The following CYB5RL variants were observed in gnomAD, a reference collection of about 807,000 sequenced individuals.
CYB5RL encodes cytochrome b5 reductase like, also known as NADH-cytochrome b5 reductase-like.
CYB5RL carries 38 observed loss-of-function variants against 37.5 expected under a neutral mutation model. The observed-to-expected ratio is 1.01, with a 90% CI of 0.78 to 1.33. The LOEUF (loss-of-function observed/expected upper bound fraction) is 1.33, where lower values mean the gene tolerates loss of function less well. Ranked by LOEUF, CYB5RL falls within the 40% of genes most tolerant of loss-of-function variation. CYB5RL has a pLI of 0.00. For synonymous variants in CYB5RL, 141 were observed against 151.9 expected, an observed-to-expected ratio of 0.93 and a Z score of 0.53; for missense variants, 388 against 394.4, an observed-to-expected ratio of 0.98 and a Z score of 0.14.
chr1:54,184,785 T>C (rs1232846165), intron 5 of CYB5RL: 1 of 152,494 alleles, frequency 6.6e-6, no homozygotes, highest in African/African-American at 2.4e-5. Flanking sequence ...AAATCTCCCA[T>C]TTTTGAAATG....
intron 1 of CYB5RL, among the ~76,000 whole-genome samples, chr1:54,197,614 C>T (rs114400424): frequency 0.014 from 2,153 of 152,246 alleles, 57 homozygotes; most frequent in African/African-American, 0.048. Context: ...TTGCTACCTA[C>T]GTCTACATGT....
chr1:54,179,054 T>C, intron 7 of CYB5RL, 95 bp downstream of exon 7: 1 of 1,399,766 alleles, frequency 7.1e-7, no homozygotes, highest in Non-Finnish European at 9.9e-7. Context: ...GACCACAGCA[T>C]CCATTGCCAA....
At chr1:54,184,540 G>C (rs1481709507) in intron 5 of CYB5RL, 1 of 341,780 alleles carries the variant, frequency 2.9e-6, no homozygotes, top group African/African-American at 2.1e-5. Context: ...TGCCCACAGG[G>C]ACCATGCAGG....
chr1:54,193,822 T>G (rs1027894896), intron 3 of CYB5RL, among the ~76,000 whole-genome samples: 2 of 150,622 alleles, frequency 1.3e-5, no homozygotes, highest in African/African-American at 2.4e-5. Context: ...AAAAAAAAAT[T>G]AGCCGGGCGT....
intron 6 of CYB5RL, 44 bp downstream of exon 6, chr1:54,184,117 C>T: frequency 6.4e-7 from 1 of 1,552,592 alleles, no homozygotes; most frequent in Non-Finnish European, 8.8e-7. Context: ...ATGAAAACCA[C>T]AGTCAACAGG....
intron 7 of CYB5RL, chr1:54,175,428 G>C (rs1023771629): frequency 3.5e-6 from 1 of 283,054 alleles, no homozygotes; most frequent in Non-Finnish European, 7.2e-6. Flanking sequence ...AGGCTGGACG[G>C]TGACCCCACG....
chr1:54,188,934 C>A (rs936395533), intron 4 of CYB5RL, among the ~76,000 whole-genome samples: 1 of 152,194 alleles, frequency 6.6e-6, no homozygotes, highest in East Asian at 1.9e-4. Context: ...TCTATAATCC[C>A]AGCACTCTGG....
chr1:54,179,090 C>G, intron 7 of CYB5RL, 59 bp downstream of exon 7: 1 of 1,558,942 alleles, frequency 6.4e-7, no homozygotes. Context: ...GTCCTCAGGA[C>G]AGGTGCAAAG....
At position 54,172,358 on chromosome 1, in the gene CYB5RL, A is replaced by G. The variant is rs1392159848; in HGVS notation, c.*2261T>C. ...ATCTTTTTTTTTTTTTTTTTTTTGT[A>G]GAGACAGGGTTTTGTCATGTTGGCC... On this transcript the variant is annotated 3_prime_UTR_variant, in exon 8 of 8. Coordinates refer to ENST00000534324, the MANE Select transcript of CYB5RL (RefSeq NM_001031672.4). 4 of 23,862 alleles carry G rather than the reference A, an allele frequency of 1.7e-4. No individual in the cohort carries two copies. Among genetic ancestry groups the G allele is most frequent in the African/African-American group, 2.6e-4 (2 of 7,832 alleles). The allele number at this position is 23,862 out of a possible 1,614,324, so 1.5% of individuals were successfully genotyped here.
chr1:54,184,336 A>T (rs999357393), intron 5 of CYB5RL, 71 bp from the exon 6 acceptor site: 5 of 1,298,410 alleles, frequency 3.9e-6, no homozygotes, highest in Middle Eastern at 2.0e-4. Flanking sequence ...TTAACCATTA[A>T]TGTGGAGCCC....
intron 1 of CYB5RL, among the ~76,000 whole-genome samples, 184 bp downstream of exon 1, chr1:54,199,792 T>C (rs541094905): frequency 6.6e-6 from 1 of 152,292 alleles, no homozygotes; most frequent in South Asian, 2.1e-4. Context: ...ACAGAGGCGC[T>C]CGCAGCAGCG....
chr1:54,197,672 G>GT (rs1644021514), intron 1 of CYB5RL, among the ~76,000 whole-genome samples: 1 of 152,012 alleles, frequency 6.6e-6, no homozygotes, highest in Admixed American at 6.6e-5. Flanking sequence ...ACTGGCTAGG[G>GT]TTTTCTCACT....
At chr1:54,197,933 C>T (rs1644024612) in intron 1 of CYB5RL, among the ~76,000 whole-genome samples, 1 of 144,590 alleles carries the variant, frequency 6.9e-6, no homozygotes, top group Non-Finnish European at 1.5e-5. Context: ...GAGGCTGAGG[C>T]AGGAGAATGG....
intron 5 of CYB5RL, chr1:54,185,633 G>C (rs759975850): frequency 1.3e-5 from 2 of 152,184 alleles, no homozygotes; most frequent in African/African-American, 4.8e-5. Context: ...CAACTGGAAG[G>C]GGTCTAGTAG....
intron 6 of CYB5RL, among the ~76,000 whole-genome samples, chr1:54,181,401 C>G (rs754052726): frequency 7.2e-5 from 11 of 152,230 alleles, no homozygotes; most frequent in Non-Finnish European, 1.6e-4. Flanking sequence ...TCCCCTGGCC[C>G]TGGGTGAACA....
chr1:54,171,093 A>C lies in CYB5RL; in HGVS notation c.*3526T>G, dbSNP rs1409408125. On this transcript the variant is annotated 3_prime_UTR_variant, in exon 8 of 8. Coordinates refer to ENST00000534324, the MANE Select transcript of CYB5RL (RefSeq NM_001031672.4). ...GAAAAGCACACAAGCCTCTCTGCTCACTGACCAAGCTGGAGTGGAAGAGAC... is the reference window on the plus strand; with the variant it reads ...GAAAAGCACACAAGCCTCTCTGCTCCCTGACCAAGCTGGAGTGGAAGAGAC... The C allele has an allele frequency of 2.2e-6, 1 of 455,350 alleles. No homozygotes were observed. Among genetic ancestry groups the C allele is most frequent in the Non-Finnish European group, 4.4e-6 (1 of 226,294 alleles). The allele number at this position is 455,350 out of a possible 1,614,324, so 28.2% of individuals were successfully genotyped here.
chr1:54,189,325 G>A (rs867113506), intron 4 of CYB5RL, among the ~76,000 whole-genome samples: 4 of 152,226 alleles, frequency 2.6e-5, no homozygotes, highest in African/African-American at 9.6e-5. Context: ...GAGGGAGTGC[G>A]CAGTCTCCTC....
chr1:54,194,004 C>CAATAAT (rs71066906), intron 3 of CYB5RL, among the ~76,000 whole-genome samples: 219 of 146,712 alleles, frequency 1.5e-3, no homozygotes, highest in East Asian at 3.0e-3. Flanking sequence ...GACTCTTCCT[C>CAATAAT]AATAATAATA....
chr1:54,180,856 G>A (rs1424112980), intron 6 of CYB5RL, among the ~76,000 whole-genome samples: 2 of 152,080 alleles, frequency 1.3e-5, no homozygotes, highest in Non-Finnish European at 2.9e-5. Flanking sequence ...ATGAGATGAA[G>A]AAAAGTGCTT....
Sources: gnomAD v4.1 joint callset for allele counts (sites outside exome capture counted in the v4.1 genomes callset) on GRCh38, gnomAD v4.1.1 for gene constraint, MANE v1.5 for transcripts, NCBI Gene and HGNC (gene_info 2026-07-23, HGNC 2026-07-21) for gene names.